Variants in THSD7B observed in about 807,000 individuals in gnomAD.
The protein encoded by THSD7B is thrombospondin type 1 domain containing 7B.
In THSD7B, 138 loss-of-function variants were observed where a neutral mutation model predicts 213.6. The ratio of observed to expected loss-of-function variants is 0.65; its 90% CI spans 0.56 to 0.74. The LOEUF is 0.74. Among genes scored for constraint, THSD7B ranks in the 30% least tolerant of loss-of-function variants. The probability of loss-of-function intolerance (pLI) is 0.00; values close to 1 mark genes in which losing one functional copy is unlikely to be tolerated. For missense variants in THSD7B, 1,931 were observed against 1,991.5 expected (o/e 0.97, Z 0.58); for synonymous variants, 742 against 687.0 (o/e 1.08, Z -1.25).
At chr2:136,907,893 G>T (rs1048324040) in intron 2 of THSD7B, among the ~76,000 whole-genome samples, 1 of 152,186 alleles carries the variant, frequency 6.6e-6, no homozygotes, top group African/African-American at 2.4e-5. Context: ...GTTGCTTTCA[G>T]TGCAGTATTT....
intron 2 of THSD7B, among the ~76,000 whole-genome samples, chr2:136,958,632 C>T (rs1465931715): frequency 6.6e-6 from 1 of 152,280 alleles, no homozygotes; most frequent in Non-Finnish European, 1.5e-5. Flanking sequence ...GGGAAGTTTA[C>T]ATTAGAGAAA....
At chr2:137,458,360 C>T (rs1203848551) in intron 15 of THSD7B, among the ~76,000 whole-genome samples, 1 of 152,164 alleles carries the variant, frequency 6.6e-6, no homozygotes, top group Non-Finnish European at 1.5e-5. Context: ...TCTGCTTTTA[C>T]TTTGACTGGA....
At chr2:137,524,195 A>C (rs1031371849) in intron 15 of THSD7B, among the ~76,000 whole-genome samples, 3 of 152,100 alleles carry the variant, frequency 2.0e-5, no homozygotes, top group Non-Finnish European at 4.4e-5. Context: ...TGGTATAAAT[A>C]AGATATTCAG....
chr2:137,663,191 T>C (rs962208400), intron 25 of THSD7B, among the ~76,000 whole-genome samples, 192 bp from the exon 26 acceptor site: 1 of 152,192 alleles, frequency 6.6e-6, no homozygotes, highest in Non-Finnish European at 1.5e-5. Context: ...TAACATTTGA[T>C]TTAAGAGCTG....
chr2:136,899,351 G>GTTAA (rs1684023507), intron 2 of THSD7B, among the ~76,000 whole-genome samples: 1 of 152,028 alleles, frequency 6.6e-6, no homozygotes, highest in Non-Finnish European at 1.5e-5. Flanking sequence ...TTATTCAACT[G>GTTAA]TAAGGTGCAT....
chr2:137,315,114 C>A lies in THSD7B; in HGVS notation c.2500+39088C>A, dbSNP rs376169770. The stretch of plus-strand genomic sequence containing the variant: ...GGCGCCCCTCCCCCAGCCTCGCTGC[C>A]GCCTTGCAGTTTGATCTCAGGCTGC... On this transcript the variant is annotated intron_variant, in intron 12 of 27. Coordinates refer to ENST00000409968, the MANE Select transcript of THSD7B (RefSeq NM_001316349.2). 3.5e-3 allele frequency among the ~76,000 whole-genome samples: 528 copies of A among 152,264 alleles called. 5 individuals carry two copies. Among genetic ancestry groups the A allele is most frequent in the African/African-American group, 0.012 (504 of 41,562 alleles).
At chr2:137,032,158 T>C (rs1181161586) in intron 2 of THSD7B, among the ~76,000 whole-genome samples, 1 of 151,982 alleles carries the variant, frequency 6.6e-6, no homozygotes, top group Non-Finnish European at 1.5e-5. Context: ...TGCTTTTCAA[T>C]GAACTGGGAT....
chr2:137,330,957 A>G (rs1387385771), intron 12 of THSD7B, among the ~76,000 whole-genome samples: 6 of 152,168 alleles, frequency 3.9e-5, no homozygotes, highest in Admixed American at 3.9e-4. Context: ...CCAAGTCCCC[A>G]TCAGATTAGT....
At chr2:136,946,747 G>A (rs1040776712) in intron 2 of THSD7B, among the ~76,000 whole-genome samples, 11 of 152,296 alleles carry the variant, frequency 7.2e-5, no homozygotes, top group East Asian at 5.8e-4. Context: ...AGTCTACTGC[G>A]CTAGCAGTGA....
chr2:137,443,666 C>T (rs548801594), intron 14 of THSD7B, among the ~76,000 whole-genome samples: 16 of 152,030 alleles, frequency 1.1e-4, no homozygotes, highest in Admixed American at 1.3e-4. Context: ...TTTGAGTTCC[C>T]GTTCTACTTC....
At chr2:136,860,143 G>A (rs761326782) in intron 1 of THSD7B, among the ~76,000 whole-genome samples, 3 of 149,048 alleles carry the variant, frequency 2.0e-5, no homozygotes, top group Non-Finnish European at 3.0e-5. Flanking sequence ...TCAGCCTCCC[G>A]AGTAGCTGAA....
At chr2:137,086,593 G>T (rs1687846387) in intron 3 of THSD7B, among the ~76,000 whole-genome samples, 1 of 152,060 alleles carries the variant, frequency 6.6e-6, no homozygotes, top group Non-Finnish European at 1.5e-5. Flanking sequence ...AGTTTATTTT[G>T]CCATGTATGG....
chr2:137,319,026 C>G (rs1684202132), intron 12 of THSD7B, among the ~76,000 whole-genome samples: 1 of 151,840 alleles, frequency 6.6e-6, no homozygotes, highest in Non-Finnish European at 1.5e-5. Context: ...ACTCATTAAA[C>G]AGAATTTTGT....
intron 14 of THSD7B, among the ~76,000 whole-genome samples, chr2:137,447,511 A>G (rs72979667): frequency 0.14 from 21,243 of 152,108 alleles, 2,302 homozygotes; most frequent in African/African-American, 0.3. Flanking sequence ...TAATGTTGTG[A>G]CTTCCTTTTA....
chr2:137,033,836 A>C (rs1407755136), intron 2 of THSD7B, among the ~76,000 whole-genome samples: 2 of 151,890 alleles, frequency 1.3e-5, no homozygotes, highest in African/African-American at 4.8e-5. Context: ...ACATGTGCAT[A>C]ATGTGCAGGC....
At chr2:137,627,578 C>T (rs748009679) in intron 20 of THSD7B, among the ~76,000 whole-genome samples, 9 of 152,142 alleles carry the variant, frequency 5.9e-5, no homozygotes, top group Non-Finnish European at 1.3e-4. Flanking sequence ...TGATAATTAT[C>T]TTCTTTAGTT....
intron 14 of THSD7B, among the ~76,000 whole-genome samples, chr2:137,419,795 C>G (rs945017228): frequency 6.6e-6 from 1 of 151,874 alleles, no homozygotes; most frequent in African/African-American, 2.4e-5. Context: ...CACTGGGGAC[C>G]TGTCCCTGTC....
At chr2:137,123,536 G>C (rs976396144) in intron 5 of THSD7B, among the ~76,000 whole-genome samples, 6 of 152,272 alleles carry the variant, frequency 3.9e-5, no homozygotes, top group African/African-American at 1.2e-4. Flanking sequence ...TTTCTGCACT[G>C]TCATTGCCTC....
intron 9 of THSD7B, among the ~76,000 whole-genome samples, chr2:137,233,470 C>A (rs1306995715): frequency 6.6e-6 from 1 of 152,120 alleles, no homozygotes; most frequent in Non-Finnish European, 1.5e-5. Context: ...AAGACGAGGT[C>A]AACATAAAGC....
Sources: allele counts gnomAD v4.1 joint callset (sites outside exome capture counted in the v4.1 genomes callset), GRCh38; gene constraint gnomAD v4.1.1; transcripts MANE v1.5; gene names NCBI Gene and HGNC (gene_info 2026-07-23, HGNC 2026-07-21).